The following SHANK2 variants were observed in gnomAD, a reference collection of about 807,000 sequenced individuals.
SHANK2 encodes the protein SH3 and multiple ankyrin repeat domains 2, also known as SH3 and multiple ankyrin repeat domains protein 2.
SHANK2 carries 43 observed loss-of-function variants against 133.7 expected under a neutral mutation model. The observed-to-expected ratio is 0.32, with a 90% CI of 0.25 to 0.41. The LOEUF is 0.41. SHANK2 is among the 10% of genes least tolerant of loss of function. SHANK2 has a pLI of 1.00. For synonymous variants in SHANK2, 1,017 were observed against 952.8 expected, an observed-to-expected ratio of 1.07 and a Z score of -1.24; for missense variants, 1,994 against 2,235.8, an observed-to-expected ratio of 0.89 and a Z score of 2.18.
In SHANK2 at chr11:70,736,400, A is replaced by T. The variant is rs536388552; in HGVS notation, c.1778-37637T>A. ...CCTTGTAGGTGTGATTGAGTTAAGG[A>T]TCTTGGGATGAGGAGATCACCCTGG... On this transcript the variant is annotated intron_variant, in intron 14 of 25. Coordinates refer to ENST00000601538, the MANE Select transcript of SHANK2 (RefSeq NM_012309.5). Among the ~76,000 whole-genome samples the T allele has an allele frequency of 1.4e-4, 21 of 152,228 alleles. No individual in the cohort carries two copies. In the South Asian group the frequency reaches 4.4e-3, roughly 32 times the overall value.
chr11:71,214,088 C>A (rs1387534600), intron 2 of SHANK2, among the ~76,000 whole-genome samples: 3 of 152,146 alleles, frequency 2.0e-5, no homozygotes, highest in African/African-American at 7.2e-5. Context: ...CTGGCCTGGC[C>A]CTGCCTCTCT....
chr11:70,784,343 GTTTTTTTTT>G (rs71049942), intron 14 of SHANK2, among the ~76,000 whole-genome samples: 84 of 42,856 alleles, frequency 2.0e-3, no homozygotes, highest in African/African-American at 5.2e-3. Flanking sequence ...ACACCGGCTA[GTTTTTTTTT>G]TTTTTTTTTT....
intron 10 of SHANK2, among the ~76,000 whole-genome samples, chr11:70,939,983 G>C (rs1017567438): frequency 5.3e-5 from 8 of 152,016 alleles, no homozygotes; most frequent in Admixed American, 5.2e-4. Flanking sequence ...TGGGGTGGGG[G>C]TCCAGAGATT....
chr11:71,125,108 C>T (rs1952157903), intron 3 of SHANK2, among the ~76,000 whole-genome samples: 1 of 152,164 alleles, frequency 6.6e-6, no homozygotes, highest in Non-Finnish European at 1.5e-5. Flanking sequence ...TCTCCCACCT[C>T]TCTCCCTCTC....
intron 25 of SHANK2, chr11:70,477,343 C>G (rs1425422311): frequency 2.0e-5 from 3 of 152,250 alleles, no homozygotes; most frequent in Non-Finnish European, 4.4e-5. Flanking sequence ...GTGGTGGTCC[C>G]TTCGGCCTGC....
At chr11:70,906,346 G>C (rs1007819715) in intron 10 of SHANK2, among the ~76,000 whole-genome samples, 2 of 152,160 alleles carry the variant, frequency 1.3e-5, no homozygotes, top group African/African-American at 4.8e-5. Context: ...AGAGGCTGTG[G>C]ACTTGCTGCA....
At chr11:70,901,196 TG>T (rs1353233959) in intron 10 of SHANK2, among the ~76,000 whole-genome samples, 6 of 152,216 alleles carry the variant, frequency 3.9e-5, no homozygotes, top group Admixed American at 2.0e-4. Context: ...TCAAGCCGTT[TG>T]GGTTCAAACT....
intron 22 of SHANK2, among the ~76,000 whole-genome samples, chr11:70,491,187 G>A (rs974359681): frequency 5.3e-5 from 8 of 152,250 alleles, no homozygotes; most frequent in Admixed American, 2.6e-4. Flanking sequence ...TATCAGATGC[G>A]GACGCTCAAT....
chr11:70,837,025 G>T (rs148760644), intron 11 of SHANK2, among the ~76,000 whole-genome samples: 1 of 152,170 alleles, frequency 6.6e-6, no homozygotes, highest in African/African-American at 2.4e-5. Context: ...GAAGGCTGCC[G>T]TCTGCAAGCC....
At chr11:70,663,991 G>A (rs943438116) in intron 15 of SHANK2, among the ~76,000 whole-genome samples, 1 of 152,200 alleles carries the variant, frequency 6.6e-6, no homozygotes, top group Non-Finnish European at 1.5e-5. Context: ...TGCCATGCTG[G>A]TGTGGTGTAA....
At chr11:71,138,911 C>G (rs1191408598) in intron 3 of SHANK2, among the ~76,000 whole-genome samples, 10 of 152,058 alleles carry the variant, frequency 6.6e-5, no homozygotes, top group Non-Finnish European at 2.9e-5. Context: ...CAGGGTGAGG[C>G]AGCACAGCGG....
intron 17 of SHANK2, among the ~76,000 whole-genome samples, chr11:70,652,254 C>T (rs980513359): frequency 4.6e-5 from 7 of 151,842 alleles, no homozygotes; most frequent in African/African-American, 1.7e-4. Context: ...TGGGGTGGGA[C>T]AGGTACCTCT....
intron 7 of SHANK2, among the ~76,000 whole-genome samples, chr11:71,092,886 C>G (rs1215396320): frequency 6.6e-6 from 1 of 151,678 alleles, no homozygotes; most frequent in Non-Finnish European, 1.5e-5. Context: ...ATGAAAAATA[C>G]AAAAAAAATA....
intron 14 of SHANK2, among the ~76,000 whole-genome samples, chr11:70,757,502 G>T (rs963756639): frequency 1.3e-5 from 2 of 152,262 alleles, no homozygotes; most frequent in African/African-American, 4.8e-5. Flanking sequence ...ACACTGTGGT[G>T]TATGCAAGCA....
chr11:70,812,691 A>G (rs1948304341), intron 12 of SHANK2, among the ~76,000 whole-genome samples: 3 of 152,212 alleles, frequency 2.0e-5, no homozygotes, highest in Admixed American at 1.3e-4. Flanking sequence ...GCCCAGGGAG[A>G]AGGGCTGCCC....
intron 11 of SHANK2, among the ~76,000 whole-genome samples, chr11:70,843,024 C>T (rs1278056541): frequency 2.0e-5 from 3 of 152,178 alleles, no homozygotes; most frequent in Non-Finnish European, 2.9e-5. Flanking sequence ...GCCCACACCA[C>T]ACCCTGGGCC....
chr11:71,108,689 T>C (rs565347946), intron 6 of SHANK2, among the ~76,000 whole-genome samples: 27 of 152,312 alleles, frequency 1.8e-4, no homozygotes, highest in African/African-American at 6.3e-4. Context: ...GCTGCTCAGC[T>C]GTAGCCAGGC....
intron 17 of SHANK2, among the ~76,000 whole-genome samples, chr11:70,581,209 T>C (rs569073947): frequency 6.6e-6 from 1 of 152,340 alleles, no homozygotes; most frequent in African/African-American, 2.4e-5. Context: ...AAAGCTCTTG[T>C]AGTCACTGAA....
At chr11:71,075,352 C>T (rs1951205109) in intron 8 of SHANK2, 77 bp from the exon 9 acceptor site, 1 of 146,200 alleles carries the variant, frequency 6.8e-6, no homozygotes, top group South Asian at 2.2e-4. Flanking sequence ...GTACACCAGC[C>T]ACTCGGCTGC....
Sources: gnomAD v4.1 joint callset for allele counts (sites outside exome capture counted in the v4.1 genomes callset) on GRCh38, gnomAD v4.1.1 for gene constraint, MANE v1.5 for transcripts, NCBI Gene and HGNC (gene_info 2026-07-23, HGNC 2026-07-21) for gene names.